DPF3: variants seen among roughly 807,000 people sequenced by gnomAD.
DPF3 encodes zinc finger protein DPF3.
In DPF3, 18 loss-of-function variants were observed where a neutral mutation model predicts 56.8. The observed-to-expected ratio is 0.32, with a 90% CI of 0.22 to 0.47. The LOEUF (loss-of-function observed/expected upper bound fraction) is 0.47. Ranked by LOEUF, DPF3 falls within the 20% of genes least tolerant of loss-of-function variation. The pLI is 1.00. For missense variants in DPF3, 403 were observed against 488.8 expected (o/e 0.82, Z 1.65); for synonymous variants, 188 against 180.2 (o/e 1.04, Z -0.35).
At chr14:72,639,244 G>T (rs1423834454) in intron 8 of DPF3, among the ~76,000 whole-genome samples, 3 of 152,176 alleles carry the variant, frequency 2.0e-5, no homozygotes, top group Non-Finnish European at 4.4e-5. Flanking sequence ...TTCATTGCCA[G>T]GAACTGTACA....
chr14:72,724,999 G>A (rs923761041), intron 4 of DPF3, among the ~76,000 whole-genome samples: 4 of 152,090 alleles, frequency 2.6e-5, no homozygotes, highest in Admixed American at 6.5e-5. Flanking sequence ...CCATGCAGAT[G>A]AGCTACCACA....
In DPF3 at chr14:72,730,787, T is replaced by A. The variant is rs1050760862; in HGVS notation, c.429+1020A>T. On this transcript the variant is annotated intron_variant, in intron 4 of 10. Transcript: ENST00000556509. ...TAATATTAACTACCAATGCTATTATTTCATAATAGGATCAATTCATATTAC... is the reference window on the plus strand; with the variant it reads ...TAATATTAACTACCAATGCTATTATATCATAATAGGATCAATTCATATTAC... 9.9e-5 allele frequency among the ~76,000 whole-genome samples: 15 copies of A among 152,096 alleles called. No homozygotes were observed. The South Asian group carries it at 2.9e-3, about 29-fold the overall frequency.
At chr14:72,738,945 A>G (rs541946943) in intron 3 of DPF3, among the ~76,000 whole-genome samples, 1 of 152,274 alleles carries the variant, frequency 6.6e-6, no homozygotes, top group East Asian at 1.9e-4. Context: ...AAAAAAGTAA[A>G]TAATAAAAAT....
intron 8 of DPF3, chr14:72,661,230 A>C (rs1886198613): frequency 1.0e-6 from 1 of 985,258 alleles, no homozygotes; most frequent in Non-Finnish European, 1.2e-6. Flanking sequence ...AAAACGTCAG[A>C]GAAAAGGGCT....
chr14:72,871,743 T>C (rs1227765378), intron 1 of DPF3, among the ~76,000 whole-genome samples: 1 of 152,236 alleles, frequency 6.6e-6, no homozygotes, highest in Non-Finnish European at 1.5e-5. Context: ...GCCTCCCTCC[T>C]GCGTACTTTC....
intron 1 of DPF3, among the ~76,000 whole-genome samples, chr14:72,859,481 C>CTG (rs1390620391): frequency 1.1e-5 from 1 of 89,944 alleles, no homozygotes; most frequent in African/African-American, 3.9e-5. Flanking sequence ...CCCCCCCCCC[C>CTG]CCACACCATT....
chr14:72,687,022 C>T (rs2153572279), intron 7 of DPF3, among the ~76,000 whole-genome samples: 1 of 152,350 alleles, frequency 6.6e-6, no homozygotes, highest in South Asian at 2.1e-4. Flanking sequence ...ACATCATATG[C>T]TTCTTTTAGA....
intron 4 of DPF3, 141 bp from the exon 5 acceptor site, chr14:72,723,869 C>T: frequency 1.3e-6 from 1 of 765,190 alleles, no homozygotes; most frequent in East Asian, 2.9e-5. Context: ...GCAGTTGGGC[C>T]CTCTGAAATG....
chr14:72,868,753 C>T (rs1328119836), intron 1 of DPF3, among the ~76,000 whole-genome samples: 1 of 152,194 alleles, frequency 6.6e-6, no homozygotes, highest in Non-Finnish European at 1.5e-5. Context: ...AAAGGGAAAG[C>T]ACCATCATCA....
chr14:72,619,300 G>A lies in DPF3; in HGVS notation c.1134C>T (p.Ala378=), dbSNP rs73308335. The change falls in exon 11 of 11, where the codon GCC becomes GCT. Residue 378 remains alanine, a synonymous_variant. Transcript: ENST00000556509. ...TCACATTCTGTGACCTGGGGCCCTA[G>A]GCCTGGCAGCCAAAGGCTGAGGCTT... ...KEKASAFGCQ[A] is the part of the protein sequence containing the mutation. The A allele has an allele frequency of 2.2e-4, 344 of 1,535,960 alleles. 1 individual carries two copies. The Admixed American group carries it at 6.6e-3, about 30-fold the overall frequency.
chr14:72,667,688 C>T (rs989549024), intron 8 of DPF3, among the ~76,000 whole-genome samples: 2 of 152,142 alleles, frequency 1.3e-5, no homozygotes, highest in African/African-American at 2.4e-5. Flanking sequence ...TACAATATTC[C>T]GCAGAGAATC....
At chr14:72,773,118 T>C (rs1165315918) in intron 1 of DPF3, among the ~76,000 whole-genome samples, 1 of 138,372 alleles carries the variant, frequency 7.2e-6, no homozygotes, top group Non-Finnish European at 1.5e-5. Flanking sequence ...AAAATTGGGG[T>C]GTTGGGTTTT....
At chr14:72,733,867 T>C (rs1889777894) in intron 3 of DPF3, among the ~76,000 whole-genome samples, 1 of 152,138 alleles carries the variant, frequency 6.6e-6, no homozygotes, top group South Asian at 2.1e-4. Context: ...CCATTAAAAC[T>C]GAACAAATGC....
intron 2 of DPF3, among the ~76,000 whole-genome samples, chr14:72,756,955 G>A (rs1567223117): frequency 4.5e-4 from 48 of 106,586 alleles, no homozygotes; most frequent in South Asian, 3.9e-3. Flanking sequence ...GAAAGGGAGA[G>A]GGAAAGAGGG....
In DPF3 at chr14:72,882,147, G is replaced by A. The variant is rs796158971; in HGVS notation, c.32+11910C>T. 5.9e-5 allele frequency among the ~76,000 whole-genome samples: 9 copies of A among 152,196 alleles called. No homozygotes were observed. The South Asian group carries it at 8.3e-4, about 14-fold the overall frequency. ...GGTTATGTTTATCTGAGGGACCAGGGAAGGCAGTGCAGAGTCAGGGAAAGT... is the reference window on the plus strand; with the variant it reads ...GGTTATGTTTATCTGAGGGACCAGGAAAGGCAGTGCAGAGTCAGGGAAAGT... On this transcript the variant is annotated intron_variant, in intron 1 of 10. Transcript: ENST00000556509.
chr14:72,813,061 T>C (rs1183812229), intron 1 of DPF3, among the ~76,000 whole-genome samples: 1 of 152,006 alleles, frequency 6.6e-6, no homozygotes, highest in Non-Finnish European at 1.5e-5. Context: ...CCTTCGAAAA[T>C]GCTTCAAACC....
chr14:72,698,067 T>TCTGATCTCAGTTCAAATGTCCTCCCC (rs1887986205), intron 6 of DPF3, among the ~76,000 whole-genome samples: 2 of 152,202 alleles, frequency 1.3e-5, no homozygotes, highest in Non-Finnish European at 2.9e-5. Context: ...TAATCATCCC[T>TCTGATCTCAGTTCAAATGTCCTCCCC]CTGATCTCAG....
rs1205285757 is a variant in DPF3, at chr14:72,615,246, C to T, written c.*4051G>A. Among the ~76,000 whole-genome samples the T allele has an allele frequency of 6.6e-6, 1 of 152,168 alleles. No individual in the cohort carries two copies. The highest frequency in any genetic ancestry group is 1.5e-5 in the Non-Finnish European group (1 of 68,022). ...CTGGGCCACGGGCGGCGCAACACCCCCTACCTCCTCACACACAGACCCAAA... is the reference window on the plus strand; with the variant it reads ...CTGGGCCACGGGCGGCGCAACACCCTCTACCTCCTCACACACAGACCCAAA... On this transcript the variant is annotated 3_prime_UTR_variant, in exon 11 of 11. Coordinates refer to ENST00000556509, the MANE Select transcript of DPF3 (RefSeq NM_001280542.3).
At chr14:72,723,880 C>T (rs1411363840) in intron 4 of DPF3, 152 bp from the exon 5 acceptor site, 17 of 691,612 alleles carry the variant, frequency 2.5e-5, no homozygotes, top group Non-Finnish European at 4.0e-5. Flanking sequence ...CTCTGAAATG[C>T]TGTCTGGAGT....
Sources: allele counts gnomAD v4.1 joint callset (sites outside exome capture counted in the v4.1 genomes callset), GRCh38; gene constraint gnomAD v4.1.1; transcripts MANE v1.5; gene names NCBI Gene and HGNC (gene_info 2026-07-23, HGNC 2026-07-21).